UBAC2: variants seen among roughly 807,000 people sequenced by gnomAD.
UBAC2 encodes the protein ubiquitin-associated domain-containing protein 2.
Under a neutral mutation model 44.0 loss-of-function variants are expected in UBAC2, and 26 were observed. The observed-to-expected ratio is 0.59, with a 90% CI of 0.43 to 0.82. The LOEUF is 0.82. Ranked by LOEUF, UBAC2 falls within the 40% of genes least tolerant of loss-of-function variation. UBAC2 has a pLI of 0.00. For synonymous variants in UBAC2, 155 were observed against 154.3 expected (o/e 1.00, Z -0.04); for missense variants, 329 against 419.4 (o/e 0.78, Z 1.88).
At chr13:99,201,307 A>T in intron 1 of UBAC2, 1 of 1,485,818 alleles carries the variant, frequency 6.7e-7, no homozygotes, top group Non-Finnish European at 9.0e-7. Flanking sequence ...CGTCCCCCTT[A>T]CCATGCCCCA....
chr13:99,230,189 C>T (rs965714795), intron 1 of UBAC2, among the ~76,000 whole-genome samples: 1 of 152,182 alleles, frequency 6.6e-6, no homozygotes, highest in Admixed American at 6.5e-5. Context: ...TATGGCCAGG[C>T]ACAGTGGCTC....
intron 6 of UBAC2, among the ~76,000 whole-genome samples, chr13:99,338,050 T>TC (rs2044822738): frequency 3.5e-5 from 2 of 56,420 alleles, no homozygotes; most frequent in Non-Finnish European, 4.1e-5. Flanking sequence ...TTTTTTTCTT[T>TC]TTTTTTTTTT....
At chr13:99,288,477 G>A (rs1322832595) in intron 4 of UBAC2, among the ~76,000 whole-genome samples, 1 of 152,198 alleles carries the variant, frequency 6.6e-6, no homozygotes, top group Non-Finnish European at 1.5e-5. Context: ...ATAATTTATT[G>A]TATTGCCCTC....
At chr13:99,297,170 T>C (rs184197959) in intron 4 of UBAC2, among the ~76,000 whole-genome samples, 15 of 152,280 alleles carry the variant, frequency 9.9e-5, no homozygotes, top group African/African-American at 3.6e-4. Context: ...TTTTAAGTAC[T>C]AAATTGAAAA....
At chr13:99,325,855 G>T (rs1271910351) in intron 6 of UBAC2, among the ~76,000 whole-genome samples, 1 of 152,100 alleles carries the variant, frequency 6.6e-6, no homozygotes, top group African/African-American at 2.4e-5. Context: ...CCATGTTGTT[G>T]CATATTACAA....
intron 7 of UBAC2, among the ~76,000 whole-genome samples, chr13:99,343,902 A>C (rs139820586): frequency 6.6e-6 from 1 of 152,196 alleles, no homozygotes; most frequent in Non-Finnish European, 1.5e-5. Flanking sequence ...CCAGGAGAAA[A>C]GTTTATTTTC....
At chr13:99,363,318 C>CT (rs2045289967) in intron 7 of UBAC2, among the ~76,000 whole-genome samples, 1 of 152,178 alleles carries the variant, frequency 6.6e-6, no homozygotes, top group Non-Finnish European at 1.5e-5. Context: ...TAGTTTTGAG[C>CT]TTTAACTTCA....
At chr13:99,350,384 G>T (rs573430717) in intron 7 of UBAC2, among the ~76,000 whole-genome samples, 1 of 152,284 alleles carries the variant, frequency 6.6e-6, no homozygotes, top group Non-Finnish European at 1.5e-5. Context: ...GTGATTAGAG[G>T]GTTGAGACTT....
rs760650640 is a variant in UBAC2 at position 99,200,871 on chromosome 13, C to A, written c.-38C>A. 6.2e-6 allele frequency: 8 copies of A among 1,290,014 alleles called. No individual in the cohort carries two copies. Among genetic ancestry groups the A allele is most frequent in the South Asian group, 2.7e-5 (1 of 36,374 alleles). The allele number at this position is 1,290,014 out of a possible 1,614,324, so 79.9% of individuals were successfully genotyped here. ...TGGGGCTCGCACTTCAGCTTCCCCT[C>A]CCCCGGCGCCCTCTGGGGCTCCGAG... On this transcript the variant is annotated 5_prime_UTR_variant, in exon 1 of 9. Transcript: ENST00000403766.
In UBAC2 at chr13:99,243,581, A is replaced by G. The variant is rs1052931465; in HGVS notation, c.160-251A>G. The stretch of plus-strand genomic sequence containing the variant: ...AATTTCTTATAGGCAGTTTTCTGTT[A>G]TCTTAATGAGAATATGTTTTCTTAT... On this transcript the variant is annotated intron_variant, in intron 2 of 8. Transcript: ENST00000403766. Among the ~76,000 whole-genome samples, 7 of 152,274 alleles carry G rather than the reference A, an allele frequency of 4.6e-5. No individual in the cohort carries two copies. In the East Asian group the frequency reaches 9.6e-4, roughly 21 times the overall value.
chr13:99,370,343 G>A (rs1274943124), intron 8 of UBAC2, among the ~76,000 whole-genome samples: 1 of 152,136 alleles, frequency 6.6e-6, no homozygotes, highest in African/African-American at 2.4e-5. Context: ...TGGTGAATCT[G>A]GTTAAGGAGG....
chr13:99,314,121 T>C lies in UBAC2; in HGVS notation c.414T>C (p.Phe138=). The change falls in exon 5 of 9, where the codon TTT becomes TTC. Residue 138 remains phenylalanine (F), a synonymous_variant. Transcript: ENST00000403766. Reference sequence around the variant, plus strand: ...GCCTGGCACCTGTGTTTGCTCTGTTTGTACCATTTTACTGCTCCATACCAA... The same window carrying C: ...GCCTGGCACCTGTGTTTGCTCTGTTCGTACCATTTTACTGCTCCATACCAA... ...SGFLAPVFAL[F]VPFYCSIPRV... 6.2e-7 allele frequency: 1 copy of C among 1,613,192 alleles called. No homozygotes were observed. Among genetic ancestry groups the C allele is most frequent in the Non-Finnish European group, 8.5e-7 (1 of 1,179,768 alleles).
intron 6 of UBAC2, among the ~76,000 whole-genome samples, chr13:99,331,897 A>G (rs1414506696): frequency 6.6e-6 from 1 of 151,850 alleles, no homozygotes; most frequent in Non-Finnish European, 1.5e-5. Context: ...ATAGGCTGGC[A>G]CGTATTAGCA....
At chr13:99,242,458 T>C (rs2043317602) in intron 2 of UBAC2, among the ~76,000 whole-genome samples, 1 of 130,300 alleles carries the variant, frequency 7.7e-6, no homozygotes, top group Non-Finnish European at 1.6e-5. Flanking sequence ...GGCGGGGGGC[T>C]GACCCCCCCA....
chr13:99,357,390 T>G (rs774379721), intron 7 of UBAC2, among the ~76,000 whole-genome samples: 5 of 152,284 alleles, frequency 3.3e-5, no homozygotes, highest in Non-Finnish European at 7.4e-5. Flanking sequence ...CTGAAGTGCT[T>G]CTTGTTTAGT....
chr13:99,244,404 C>CACATATGCATGTGTGTATAT, intron 3 of UBAC2, 111 bp from the exon 4 acceptor site: 1 of 696,992 alleles, frequency 1.4e-6, no homozygotes, highest in Non-Finnish European at 2.5e-6. Flanking sequence ...TGTATATACA[C>CACATATGCATGTGTGTATAT]ACACACACAT....
At chr13:99,222,900 T>C (rs1194472877) in intron 1 of UBAC2, among the ~76,000 whole-genome samples, 1 of 152,228 alleles carries the variant, frequency 6.6e-6, no homozygotes. Context: ...TTTTTCTGTG[T>C]TGTAACAGAG....
chr13:99,217,111 G>T (rs1016578126), intron 1 of UBAC2, among the ~76,000 whole-genome samples: 2 of 152,206 alleles, frequency 1.3e-5, no homozygotes, highest in African/African-American at 4.8e-5. Flanking sequence ...GATCACAGGC[G>T]TGAGCCACGG....
At chr13:99,317,897 C>G (rs1404976791) in intron 5 of UBAC2, 125 bp from the exon 6 acceptor site, 30 of 642,586 alleles carry the variant, frequency 4.7e-5, no homozygotes, top group Non-Finnish European at 6.5e-5. Flanking sequence ...ATTTGCTTCT[C>G]TGTATTATGG....
Sources: allele counts gnomAD v4.1 joint callset (sites outside exome capture counted in the v4.1 genomes callset), GRCh38; gene constraint gnomAD v4.1.1; transcripts MANE v1.5; gene names NCBI Gene and HGNC (gene_info 2026-07-23, HGNC 2026-07-21).